The following ANKRD12 variants were observed in gnomAD, a reference collection of about 807,000 sequenced individuals.
ANKRD12 encodes ankyrin repeat domain 12, also known as ankyrin repeat domain-containing protein 12.
ANKRD12 carries 85 observed loss-of-function variants against 183.4 expected under a neutral mutation model. The observed-to-expected ratio is 0.46, with a 90% CI of 0.39 to 0.56. ANKRD12 has a LOEUF of 0.56. Ranked by LOEUF, ANKRD12 falls within the 20% of genes least tolerant of loss-of-function variation. ANKRD12 has a pLI of 0.00. For synonymous variants in ANKRD12, 914 were observed against 800.2 expected, an observed-to-expected ratio of 1.14 and a Z score of -2.40; for missense variants, 2,405 against 2,357.1, an observed-to-expected ratio of 1.02 and a Z score of -0.42.
intron 3 of ANKRD12, among the ~76,000 whole-genome samples, chr18:9,199,937 CT>C (rs1481130271): frequency 6.6e-6 from 1 of 151,906 alleles, no homozygotes; most frequent in Non-Finnish European, 1.5e-5. Flanking sequence ...CTTCTTGGTC[CT>C]TTTTGTATGG....
At chr18:9,194,730 T>A (rs949137418) in intron 2 of ANKRD12, among the ~76,000 whole-genome samples, 1 of 152,218 alleles carries the variant, frequency 6.6e-6, no homozygotes, top group Non-Finnish European at 1.5e-5. Context: ...TACATATTCA[T>A]TGGCGCTACA....
Position 9,195,671 on chromosome 18 carries a change from A to G in ANKRD12, c.208A>G (p.Arg70Gly). ...ACTTCCTTTTACTATTAGCCCATCAAGAAATGAAGAACGAGATTCAGACAC... is the reference window on the plus strand; with the variant it reads ...ACTTCCTTTTACTATTAGCCCATCAGGAAATGAAGAACGAGATTCAGACAC... ...RKLPFTISPS[R>G]NEERDSDTDS... Residue 70 changes from arginine to glycine, a missense_variant, in exon 3 of 13, where the codon AGA becomes GGA. Physicochemically the swap from Arg to Gly is moderately radical, Grantham distance 125. Transcript: ENST00000262126. 6.2e-7 allele frequency: 1 copy of G among 1,611,436 alleles called. No homozygotes were observed. The highest frequency in any genetic ancestry group is 8.5e-7 in the Non-Finnish European group (1 of 1,178,784).
chr18:9,178,448 T>G (rs1174288139), intron 1 of ANKRD12, among the ~76,000 whole-genome samples: 1 of 152,082 alleles, frequency 6.6e-6, no homozygotes, highest in Non-Finnish European at 1.5e-5. Flanking sequence ...ATCGGTTGGA[T>G]TGGATGTATA....
intron 8 of ANKRD12, among the ~76,000 whole-genome samples, chr18:9,242,847 T>C (rs969499124): frequency 1.3e-5 from 2 of 152,192 alleles, no homozygotes; most frequent in African/African-American, 4.8e-5. Context: ...GTCTTAACTG[T>C]AATCTCTTAC....
At chr18:9,262,524 A>G (rs1308197765) in intron 9 of ANKRD12, among the ~76,000 whole-genome samples, 2 of 151,964 alleles carry the variant, frequency 1.3e-5, no homozygotes, top group Admixed American at 6.5e-5. Flanking sequence ...CAGTGGTGCA[A>G]TCATAGTTTA....
At chr18:9,219,775 T>A (rs1472215596) in intron 7 of ANKRD12, among the ~76,000 whole-genome samples, 2 of 150,974 alleles carry the variant, frequency 1.3e-5, no homozygotes, top group East Asian at 3.9e-4. Context: ...AAAAAAAAGC[T>A]TAGGAATCGA....
intron 2 of ANKRD12, among the ~76,000 whole-genome samples, chr18:9,182,758 T>C (rs2033788643): frequency 6.6e-6 from 1 of 152,158 alleles, no homozygotes; most frequent in African/African-American, 2.4e-5. Flanking sequence ...TTAAGAAATA[T>C]TGAGAGAGGG....
At chr18:9,167,801 C>T (rs1325013580) in intron 1 of ANKRD12, among the ~76,000 whole-genome samples, 4 of 152,232 alleles carry the variant, frequency 2.6e-5, no homozygotes, top group African/African-American at 7.2e-5. Context: ...GTGCCAGTTT[C>T]CAAAGGGAAT....
At chr18:9,172,191 A>G (rs2144004380) in intron 1 of ANKRD12, among the ~76,000 whole-genome samples, 1 of 151,750 alleles carries the variant, frequency 6.6e-6, no homozygotes, top group Non-Finnish European at 1.5e-5. Flanking sequence ...GATCTTGGAG[A>G]ATCTGATGAT....
intron 1 of ANKRD12, among the ~76,000 whole-genome samples, chr18:9,175,048 A>C (rs879781596): frequency 2.0e-5 from 3 of 151,920 alleles, no homozygotes; most frequent in African/African-American, 4.8e-5. Context: ...TCCACCACCC[A>C]GATTCAAGCA....
At chr18:9,267,590 C>G (rs970259077) in intron 10 of ANKRD12, among the ~76,000 whole-genome samples, 1 of 151,960 alleles carries the variant, frequency 6.6e-6, no homozygotes, top group Non-Finnish European at 1.5e-5. Flanking sequence ...AAAGACACAA[C>G]ATACCAGAAT....
intron 8 of ANKRD12, among the ~76,000 whole-genome samples, chr18:9,228,366 T>G (rs2036844086): frequency 6.6e-6 from 1 of 152,160 alleles, no homozygotes; most frequent in African/African-American, 2.4e-5. Flanking sequence ...CTGGATGGTA[T>G]TCTATTTTTA....
chr18:9,171,791 T>C (rs1598446407), intron 1 of ANKRD12, among the ~76,000 whole-genome samples: 1 of 151,900 alleles, frequency 6.6e-6, no homozygotes, highest in South Asian at 2.1e-4. Context: ...GAGGCTGAGG[T>C]GGGTAGATAC....
At chr18:9,168,731 C>G (rs2032357544) in intron 1 of ANKRD12, among the ~76,000 whole-genome samples, 1 of 152,046 alleles carries the variant, frequency 6.6e-6, no homozygotes, top group Non-Finnish European at 1.5e-5. Context: ...CAGTTCTGCT[C>G]TGATCTTAGT....
At chr18:9,160,441 G>T (rs923777434) in intron 1 of ANKRD12, among the ~76,000 whole-genome samples, 6 of 152,068 alleles carry the variant, frequency 3.9e-5, no homozygotes, top group Admixed American at 6.6e-5. Context: ...TAATCCAGTG[G>T]TTTTTTTAGT....
Position 9,221,968 on chromosome 18 carries a change from G to A in ANKRD12, c.912G>A (p.Val304=), listed in dbSNP as rs368611878. ...EELELLLKRE[V]PLSDDDESYT... ...TGGAGTTGCTACTAAAAAGAGAGGT[G>A]CCTTTATCTGATGATGATGAAAGTT... The change falls in exon 8 of 13, where the codon GTG becomes GTA. Residue 304 remains valine (V), a synonymous_variant. Coordinates refer to ENST00000262126, the MANE Select transcript of ANKRD12 (RefSeq NM_015208.5). 3.7e-6 allele frequency: 6 copies of A among 1,613,722 alleles called. No homozygotes were observed. The highest frequency in any genetic ancestry group is 1.1e-5 in the South Asian group (1 of 91,054).
chr18:9,250,608 A>G (rs1310847955), intron 8 of ANKRD12, among the ~76,000 whole-genome samples: 2 of 152,058 alleles, frequency 1.3e-5, no homozygotes, highest in Non-Finnish European at 2.9e-5. Context: ...AGTTCTAGCT[A>G]CTGGGGAGGT....
Position 9,281,246 on chromosome 18 carries a change from A to G in ANKRD12, c.*120A>G. On this transcript the variant is annotated 3_prime_UTR_variant, in exon 13 of 13. Coordinates refer to ENST00000262126, the MANE Select transcript of ANKRD12 (RefSeq NM_015208.5). ...ACAATTGTTAGTAAAGTTCGATTAT[A>G]GTTGGTTATGTAGTAAACACTGTCA... 1 of 820,900 alleles carries G rather than the reference A, an allele frequency of 1.2e-6. No individual in the cohort carries two copies. The allele number at this position is 820,900 out of a possible 1,614,324, so 50.9% of individuals were successfully genotyped here.
Position 9,284,730 on chromosome 18 carries a change from T to C in ANKRD12, c.*3604T>C, listed in dbSNP as rs1036635511. ...TTCCAGTCAGTAAAAGTAGAATTCA[T>C]AGAAAAAACTGAGGCAAATTAAAAC... is the stretch of plus-strand genomic sequence containing the variant. On this transcript the variant is annotated 3_prime_UTR_variant, in exon 13 of 13. Transcript: ENST00000262126. The C allele has an allele frequency of 6.6e-6, 1 of 152,056 alleles. No homozygotes were observed. Among genetic ancestry groups the C allele is most frequent in the South Asian group, 2.1e-4 (1 of 4,832 alleles). 9.4% of individuals were successfully genotyped at this position (152,056 alleles called of 1,614,324 possible).
Sources: gnomAD v4.1 joint callset for allele counts (sites outside exome capture counted in the v4.1 genomes callset) on GRCh38, gnomAD v4.1.1 for gene constraint, MANE v1.5 for transcripts, NCBI Gene and HGNC (gene_info 2026-07-23, HGNC 2026-07-21) for gene names.